NAALADL2: variants seen among roughly 807,000 people sequenced by gnomAD.
NAALADL2 encodes N-acetylated alpha-linked acidic dipeptidase like 2.
In NAALADL2, 76 loss-of-function variants were observed where a neutral mutation model predicts 87.2. The observed-to-expected ratio is 0.87, with a 90% CI of 0.72 to 1.05. The LOEUF (loss-of-function observed/expected upper bound fraction) is 1.05. Among genes scored for constraint, NAALADL2 ranks in the 50% least tolerant of loss-of-function variants. NAALADL2 has a pLI of 0.00. For missense variants in NAALADL2, 1,089 were observed against 945.8 expected (o/e 1.15, Z -1.99); for synonymous variants, 354 against 331.0 (o/e 1.07, Z -0.75).
At chr3:175,588,415 G>T (rs989353276) in intron 10 of NAALADL2, among the ~76,000 whole-genome samples, 8 of 148,242 alleles carry the variant, frequency 5.4e-5, no homozygotes, top group African/African-American at 2.0e-4. Flanking sequence ...TACTATAGGG[G>T]TATAAAAAGA....
intron 9 of NAALADL2, chr3:175,487,684 C>T (rs936521702): frequency 3.0e-6 from 1 of 338,058 alleles, no homozygotes; most frequent in African/African-American, 2.2e-5. Flanking sequence ...TATAAGTTTT[C>T]AGAATTATTA....
chr3:174,744,048 G>C (rs1165538555), intron 3 of NAALADL2, among the ~76,000 whole-genome samples: 2 of 151,868 alleles, frequency 1.3e-5, no homozygotes, highest in Non-Finnish European at 2.9e-5. Context: ...TACTCACACT[G>C]TCTGCCAAAC....
intron 13 of NAALADL2, among the ~76,000 whole-genome samples, chr3:175,777,102 A>G (rs1321083353): frequency 6.6e-6 from 1 of 151,354 alleles, no homozygotes; most frequent in Non-Finnish European, 1.5e-5. Flanking sequence ...GAAGCTGTGA[A>G]TTTTTGTCAG....
chr3:174,928,631 C>T (rs1461347506), intron 1 of NAALADL2, among the ~76,000 whole-genome samples: 8 of 152,134 alleles, frequency 5.3e-5, no homozygotes, highest in Non-Finnish European at 1.2e-4. Flanking sequence ...ATCAGTTATT[C>T]GCAACAGAAA....
intron 3 of NAALADL2, among the ~76,000 whole-genome samples, chr3:174,739,336 T>C (rs1288737796): frequency 2.6e-5 from 4 of 152,078 alleles, no homozygotes; most frequent in African/African-American, 9.7e-5. Flanking sequence ...TTGTCTAATG[T>C]TTTGGCTCAG....
At chr3:175,492,761 G>A (rs1332878834) in intron 9 of NAALADL2, among the ~76,000 whole-genome samples, 1 of 152,066 alleles carries the variant, frequency 6.6e-6, no homozygotes, top group African/African-American at 2.4e-5. Flanking sequence ...ATACAGCTGT[G>A]TAAATATTAT....
chr3:175,102,909 A>G (rs1372293987), intron 2 of NAALADL2, among the ~76,000 whole-genome samples: 3 of 152,098 alleles, frequency 2.0e-5, no homozygotes, highest in African/African-American at 7.2e-5. Flanking sequence ...AGAGATTGAG[A>G]CCATCCTGGC....
At chr3:175,589,805 AAC>A (rs67330341) in intron 10 of NAALADL2, among the ~76,000 whole-genome samples, 89,159 of 134,430 alleles carry the variant, frequency 0.66, 29,075 homozygotes, top group East Asian at 0.8. Flanking sequence ...TGAAAAAAAA[AAC>A]AAAAAACCAA....
intron 2 of NAALADL2, among the ~76,000 whole-genome samples, chr3:175,132,901 G>A (rs183067033): frequency 0.07 from 10,602 of 150,762 alleles, 791 homozygotes; most frequent in African/African-American, 0.19. Flanking sequence ...GGCGGCTGCC[G>A]GGCGGAGGGA....
intron 3 of NAALADL2, among the ~76,000 whole-genome samples, chr3:175,248,693 C>T (rs142636089): frequency 1.4e-3 from 219 of 152,178 alleles, no homozygotes; most frequent in African/African-American, 5.0e-3. Flanking sequence ...GAAAGATTGC[C>T]GTGGCCACTG....
intron 11 of NAALADL2, among the ~76,000 whole-genome samples, chr3:175,631,738 T>A (rs9681697): frequency 0.065 from 9,873 of 152,026 alleles, 440 homozygotes; most frequent in African/African-American, 0.12. Context: ...TAAATGCCAA[T>A]GTAAATCCTA....
intron 4 of NAALADL2, among the ~76,000 whole-genome samples, chr3:175,273,659 G>T (rs996610826): frequency 6.6e-6 from 1 of 151,864 alleles, no homozygotes; most frequent in Non-Finnish European, 1.5e-5. Flanking sequence ...GAAAAAAAAT[G>T]ACAATTTATT....
intron 5 of NAALADL2, among the ~76,000 whole-genome samples, chr3:175,338,555 CA>C (rs1762231661): frequency 8.9e-6 from 1 of 112,584 alleles, no homozygotes; most frequent in Non-Finnish European, 1.7e-5. Context: ...GGAAGGTTGT[CA>C]ATTTAGGAGC....
intron 2 of NAALADL2, among the ~76,000 whole-genome samples, chr3:174,580,885 T>C (rs1716094169): frequency 6.6e-6 from 1 of 152,118 alleles, no homozygotes; most frequent in South Asian, 2.1e-4. Context: ...GTTAAGTATA[T>C]TTTGATTTTT....
chr3:175,001,969 A>G (rs558045561), intron 1 of NAALADL2, among the ~76,000 whole-genome samples: 2 of 152,252 alleles, frequency 1.3e-5, no homozygotes, highest in Admixed American at 6.5e-5. Context: ...TTCAGCTACA[A>G]TGTATCTTTT....
intron 1 of NAALADL2, among the ~76,000 whole-genome samples, chr3:175,067,628 T>A (rs1483489834): frequency 6.6e-6 from 1 of 152,138 alleles, no homozygotes; most frequent in Non-Finnish European, 1.5e-5. Flanking sequence ...AAGGAATGCT[T>A]ATACACTGTT....
intron 1 of NAALADL2, chr3:174,863,864 G>T (rs1003458538): frequency 1.9e-5 from 6 of 317,010 alleles, no homozygotes; most frequent in African/African-American, 1.1e-4. Flanking sequence ...AGGAGCTCCT[G>T]TTGGACCTGT....
intron 5 of NAALADL2, among the ~76,000 whole-genome samples, chr3:175,402,639 T>A (rs1325934282): frequency 6.6e-6 from 1 of 152,102 alleles, no homozygotes; most frequent in Non-Finnish European, 1.5e-5. Flanking sequence ...GTCATCCTGT[T>A]TCTCTCTTCA....
chr3:175,755,653 T>G (rs1747172183), intron 13 of NAALADL2, among the ~76,000 whole-genome samples: 1 of 151,596 alleles, frequency 6.6e-6, no homozygotes. Flanking sequence ...TTTCTTACAT[T>G]AATTTCAATA....
Sources: allele counts gnomAD v4.1 joint callset (sites outside exome capture counted in the v4.1 genomes callset), GRCh38; gene constraint gnomAD v4.1.1; transcripts MANE v1.5; gene names NCBI Gene and HGNC (gene_info 2026-07-23, HGNC 2026-07-21).